SORCS2: variants seen among roughly 807,000 people sequenced by gnomAD.
The protein encoded by SORCS2 is sortilin related VPS10 domain containing receptor 2.
SORCS2 carries 100 observed loss-of-function variants against 141.6 expected under a neutral mutation model. The ratio of observed to expected loss-of-function variants is 0.71; its 90% CI spans 0.60 to 0.83. SORCS2 has a LOEUF of 0.83. Ranked by LOEUF, SORCS2 falls within the 40% of genes least tolerant of loss-of-function variation. The pLI, the probability that SORCS2 is intolerant of heterozygous loss-of-function variation, is 0.00. For missense variants in SORCS2, 1,646 were observed against 1,560.2 expected (o/e 1.05, Z -0.93); for synonymous variants, 789 against 676.9 (o/e 1.17, Z -2.57).
chr4:7,721,313 A>C (rs1453711088), intron 18 of SORCS2, among the ~76,000 whole-genome samples: 2 of 152,132 alleles, frequency 1.3e-5, no homozygotes, highest in African/African-American at 2.4e-5. Context: ...AAAAAAAACA[A>C]AACTTAGCCA....
At chr4:7,467,793 C>A (rs974489917) in intron 2 of SORCS2, among the ~76,000 whole-genome samples, 1 of 152,242 alleles carries the variant, frequency 6.6e-6, no homozygotes, top group Non-Finnish European at 1.5e-5. Context: ...GCTGCTGTGG[C>A]TCCCGGAGCC....
At chr4:7,215,367 G>A (rs1254922790) in intron 1 of SORCS2, among the ~76,000 whole-genome samples, 4 of 152,222 alleles carry the variant, frequency 2.6e-5, no homozygotes, top group Non-Finnish European at 2.9e-5. Flanking sequence ...GCCTTTCCGC[G>A]GGGCAGGGCT....
intron 5 of SORCS2, among the ~76,000 whole-genome samples, chr4:7,660,142 G>A (rs1461239815): frequency 6.6e-6 from 1 of 152,216 alleles, no homozygotes; most frequent in African/African-American, 2.4e-5. Flanking sequence ...GTGACATGCT[G>A]TGTGCAGCAC....
intron 5 of SORCS2, among the ~76,000 whole-genome samples, chr4:7,656,516 A>G (rs1482081732): frequency 2.0e-5 from 3 of 152,142 alleles, no homozygotes; most frequent in African/African-American, 7.2e-5. Context: ...GTCTCATGTC[A>G]CAGGAGGGAA....
Position 7,483,965 on chromosome 4 carries a change from T to C in SORCS2, c.549-47565T>C, listed in dbSNP as rs1168177726. 5.3e-5 allele frequency among the ~76,000 whole-genome samples: 8 copies of C among 152,204 alleles called. No homozygotes were observed. The East Asian group carries it at 1.3e-3, about 26-fold the overall frequency. ...AAACAAAAACGAGTCTTTCAGAAAG[T>C]AGCCGATTCAAAATTCAAATGCACG... On this transcript the variant is annotated intron_variant, in intron 2 of 26. Coordinates refer to ENST00000507866, the MANE Select transcript of SORCS2 (RefSeq NM_020777.3).
At chr4:7,336,877 C>A (rs572644330) in intron 1 of SORCS2, among the ~76,000 whole-genome samples, 37 of 152,254 alleles carry the variant, frequency 2.4e-4, no homozygotes, top group African/African-American at 7.9e-4. Context: ...GGCCCTGGGT[C>A]TGAGTCCAGG....
chr4:7,564,120 C>T (rs375533338), intron 3 of SORCS2, among the ~76,000 whole-genome samples: 24 of 152,322 alleles, frequency 1.6e-4, no homozygotes, highest in African/African-American at 4.8e-4. Context: ...AGGTGTCTCC[C>T]GGCTTCACTG....
At chr4:7,487,587 T>C (rs1319047362) in intron 2 of SORCS2, among the ~76,000 whole-genome samples, 1 of 152,238 alleles carries the variant, frequency 6.6e-6, no homozygotes, top group Non-Finnish European at 1.5e-5. Context: ...ACCTGGCCTC[T>C]GCACTTCTAC....
At chr4:7,611,989 C>T (rs1018467134) in intron 3 of SORCS2, among the ~76,000 whole-genome samples, 5 of 152,216 alleles carry the variant, frequency 3.3e-5, no homozygotes, top group East Asian at 1.9e-4. Context: ...TGGGCTCTGC[C>T]GTGGGTTCCG....
chr4:7,592,253 A>AT (rs773161309), intron 3 of SORCS2, among the ~76,000 whole-genome samples: 52 of 151,720 alleles, frequency 3.4e-4, no homozygotes, highest in Middle Eastern at 3.4e-3. Context: ...TCTAATTATT[A>AT]TTATTTTTTT....
intron 2 of SORCS2, chr4:7,433,449 C>T (rs748605255): frequency 2.6e-6 from 4 of 1,549,450 alleles, no homozygotes; most frequent in Non-Finnish European, 2.6e-6. Flanking sequence ...GGTCGGTGCC[C>T]AGCAGTGGGG....
At chr4:7,460,901 T>A (rs563454009) in intron 2 of SORCS2, among the ~76,000 whole-genome samples, 1 of 152,168 alleles carries the variant, frequency 6.6e-6, no homozygotes, top group Non-Finnish European at 1.5e-5. Flanking sequence ...GCTCGCAGCT[T>A]GAATTTTTCA....
Position 7,291,221 on chromosome 4 carries a change from C to T in SORCS2, c.480+98095C>T, listed in dbSNP as rs139799593. Among the ~76,000 whole-genome samples the T allele has an allele frequency of 4.6e-3, 700 of 152,232 alleles. 10 individuals are homozygous for T. The highest frequency in any genetic ancestry group is 5.6e-3 in the Admixed American group (86 of 15,298). ...TGGGGGCAGAGCTGAGGCCACATAG[C>T]AGGTGAGAGGGACTTTAACTGAACA... On this transcript the variant is annotated intron_variant, in intron 1 of 26. Coordinates refer to ENST00000507866, the MANE Select transcript of SORCS2 (RefSeq NM_020777.3).
chr4:7,439,131 C>T (rs985861913), intron 2 of SORCS2, among the ~76,000 whole-genome samples: 1 of 152,058 alleles, frequency 6.6e-6, no homozygotes, highest in African/African-American at 2.4e-5. Flanking sequence ...TGAGTGAAAA[C>T]CTTACCTCTT....
At position 7,682,745 on chromosome 4, in the gene SORCS2, CAG is replaced by C; in HGVS notation, c.1347_1348del (p.Val451GlufsTer11). On this transcript the variant is annotated frameshift_variant, in exon 10 of 27. Coordinates refer to ENST00000507866, the MANE Select transcript of SORCS2 (RefSeq NM_020777.3). LOFTEE classifies it high-confidence loss of function. ...TCCTTCTTTTATTTTTGTCCCAGGT[CAG>C]AGGGGTGAAAGGAGTCTTCCTGGCA... ...ESVLIDILEVRGVKGVFLANQ... is the reference protein window; with the variant it reads ...ESVLIDILEVXGVKGVFLANQ... 1 of 1,608,428 alleles carries C rather than the reference CAG, an allele frequency of 6.2e-7. No homozygotes were observed. The highest frequency in any genetic ancestry group is 1.1e-5 in the South Asian group (1 of 89,712).
chr4:7,670,108 G>A (rs141563350), intron 8 of SORCS2, among the ~76,000 whole-genome samples: 1 of 152,140 alleles, frequency 6.6e-6, no homozygotes, highest in African/African-American at 2.4e-5. Context: ...GTGTAGCTTA[G>A]TTGCTTGGGC....
At chr4:7,607,312 T>C (rs1718121155) in intron 3 of SORCS2, among the ~76,000 whole-genome samples, 1 of 152,190 alleles carries the variant, frequency 6.6e-6, no homozygotes, top group Non-Finnish European at 1.5e-5. Flanking sequence ...CGCAGACGCT[T>C]TTGGAGACTT....
rs1455775699 is a variant in SORCS2, at chr4:7,249,834, C to T, written c.480+56708C>T. ...GCCAGGACCCGCAGGTTTCCTCTCT[C>T]TGGTAAAAGCTGGATTTATCCACTC... On this transcript the variant is annotated intron_variant, in intron 1 of 26. Coordinates refer to ENST00000507866, the MANE Select transcript of SORCS2 (RefSeq NM_020777.3). Among the ~76,000 whole-genome samples, 3 of 152,162 alleles carry T rather than the reference C, an allele frequency of 2.0e-5. No homozygotes were observed. In the East Asian group the frequency reaches 5.8e-4, roughly 29 times the overall value.
chr4:7,574,370 A>AT (rs564607227), intron 3 of SORCS2, among the ~76,000 whole-genome samples: 1 of 152,196 alleles, frequency 6.6e-6, no homozygotes, highest in Admixed American at 6.5e-5. Context: ...AGCCAAGTGC[A>AT]TTTTTTAACA....
Sources: gnomAD v4.1 joint callset for allele counts (sites outside exome capture counted in the v4.1 genomes callset) on GRCh38, gnomAD v4.1.1 for gene constraint, MANE v1.5 for transcripts, NCBI Gene and HGNC (gene_info 2026-07-23, HGNC 2026-07-21) for gene names.